ZNF529: variants seen among roughly 807,000 people sequenced by gnomAD.
The protein encoded by ZNF529 is zinc finger protein 529.
Under a neutral mutation model 10.1 loss-of-function variants are expected in ZNF529, and 11 were observed. That is an observed-to-expected ratio of 1.09 (90% CI 0.69 to 1.81). The LOEUF is 1.81. Among genes scored for constraint, ZNF529 ranks in the 40% most tolerant of loss-of-function variants. ZNF529 has a pLI of 0.00. For synonymous variants in ZNF529, 204 were observed against 215.7 expected (o/e 0.95, Z 0.47); for missense variants, 624 against 666.8 (o/e 0.94, Z 0.71).
chr19:36,592,994 G>C (rs746410070), intron 1 of ZNF529, among the ~76,000 whole-genome samples: 2 of 152,064 alleles, frequency 1.3e-5, no homozygotes, highest in African/African-American at 4.8e-5. Flanking sequence ...ATAATATAGT[G>C]ATGAAATATT....
In ZNF529 at chr19:36,559,081, T is replaced by C. The variant is rs2035584293; in HGVS notation, c.15-2884A>G. Among the ~76,000 whole-genome samples the C allele has an allele frequency of 3.3e-5, 5 of 151,902 alleles. 1 individual carries two copies. The South Asian group carries it at 1.0e-3, about 32-fold the overall frequency. ...AATGCAAATCAAAACCACAATGAAA[T>C]ATCACCTCACACCTGATAGGACTGC... On this transcript the variant is annotated intron_variant, in intron 2 of 4. Transcript: ENST00000591340.
In ZNF529 at chr19:36,548,005, CT is replaced by C. The variant is rs2145786213; in HGVS notation, c.552del (p.Glu185SerfsTer26). On this transcript the variant is annotated frameshift_variant, in exon 5 of 5. Transcript: ENST00000591340. LOFTEE classifies it low-confidence loss of function (END_TRUNC). Reference sequence around the variant, plus strand: ...TGTATTTTCTGATATTCATCAAACTCTAAGTCACAACTGAAGACCTTCTCAT... The same window carrying C: ...TGTATTTTCTGATATTCATCAAACTCAAGTCACAACTGAAGACCTTCTCAT... ...KEYEKVFSCD[L>X]EFDEYQKIHT... 1 of 1,613,698 alleles carries C rather than the reference CT, an allele frequency of 6.2e-7. No homozygotes were observed. Among genetic ancestry groups the C allele is most frequent in the Admixed American group, 1.7e-5 (1 of 59,984 alleles).
intron 2 of ZNF529, among the ~76,000 whole-genome samples, chr19:36,582,901 G>T (rs1269959380): frequency 6.6e-6 from 1 of 151,992 alleles, no homozygotes; most frequent in East Asian, 1.9e-4. Flanking sequence ...TGCCACTACG[G>T]ATCCTATAGA....
At chr19:36,548,414 T>C in intron 4 of ZNF529, 92 bp from the exon 5 acceptor site, 4 of 1,237,008 alleles carry the variant, frequency 3.2e-6, no homozygotes, top group East Asian at 2.6e-5. Context: ...ACCATATACA[T>C]GAATTGGTTA....
rs2036569269 is a variant in ZNF529, at chr19:36,585,882, CTA to C, written c.-41+3731_-41+3732del. Among the ~76,000 whole-genome samples the C allele has an allele frequency of 2.0e-5, 3 of 152,340 alleles. No individual in the cohort carries two copies. The South Asian group carries it at 6.2e-4, about 32-fold the overall frequency. On this transcript the variant is annotated intron_variant, in intron 2 of 4. Coordinates refer to the ZNF529 transcript ENST00000585960. The stretch of plus-strand genomic sequence containing the variant: ...GCTCATTCCCTAGCTGGCTCAGTAA[CTA>C]TGGATCTCTAAGCAATGTCTTAACA...
chr19:36,544,778 T>C lies in ZNF529; in HGVS notation c.*2088A>G, dbSNP rs2034950047. 6.6e-6 allele frequency: 1 copy of C among 152,212 alleles called. No homozygotes were observed. The highest frequency in any genetic ancestry group is 2.4e-5 in the African/African-American group (1 of 41,456). 9.4% of individuals were successfully genotyped at this position (152,212 alleles called of 1,614,324 possible). Reference sequence around the variant, plus strand: ...AATACTTACATAAAACATAGCTCAATATATCAGATGAGAAAATGGCTTAAT... The same window carrying C: ...AATACTTACATAAAACATAGCTCAACATATCAGATGAGAAAATGGCTTAAT... On this transcript the variant is annotated 3_prime_UTR_variant, in exon 5 of 5. Transcript: ENST00000591340.
chr19:36,573,829 T>G (rs969398232), upstream of ZNF529, among the ~76,000 whole-genome samples: 1 of 152,144 alleles, frequency 6.6e-6, no homozygotes, highest in African/African-American at 2.4e-5. Flanking sequence ...AGGGGAGAAC[T>G]CGGAGCCTGA....
chr19:36,574,640 C>T (rs797006927), upstream of ZNF529, among the ~76,000 whole-genome samples: 3 of 152,136 alleles, frequency 2.0e-5, no homozygotes, highest in African/African-American at 7.2e-5. Flanking sequence ...AGCCATAGTT[C>T]TGATTTGTGT....
chr19:36,552,633 T>C (rs1329854723), intron 4 of ZNF529, among the ~76,000 whole-genome samples: 3 of 152,192 alleles, frequency 2.0e-5, no homozygotes, highest in Non-Finnish European at 2.9e-5. Context: ...ATAAACTCTA[T>C]AGAGCAACTT....
intron 2 of ZNF529, among the ~76,000 whole-genome samples, chr19:36,587,206 A>C (rs1385269718): frequency 2.0e-5 from 3 of 151,690 alleles, no homozygotes; most frequent in Non-Finnish European, 4.4e-5. Flanking sequence ...CGGAGGTTGT[A>C]GTGAGCCAAG....
At chr19:36,562,756 GA>G (rs1380184671) in intron 2 of ZNF529, among the ~76,000 whole-genome samples, 1 of 151,444 alleles carries the variant, frequency 6.6e-6, no homozygotes. Context: ...AGAATGGCAG[GA>G]ACCTGGGAGG....
chr19:36,585,130 T>C (rs964896548), intron 2 of ZNF529, among the ~76,000 whole-genome samples: 9 of 152,166 alleles, frequency 5.9e-5, no homozygotes, highest in Admixed American at 6.5e-5. Flanking sequence ...AAGTGCATCG[T>C]CCTTGCCTCT....
upstream of ZNF529, chr19:36,577,435 G>T (rs2036352318): frequency 5.0e-6 from 1 of 198,782 alleles, no homozygotes; most frequent in Non-Finnish European, 1.1e-5. Flanking sequence ...CTCTATTCTA[G>T]TGGTCACCAG....
intron 2 of ZNF529, among the ~76,000 whole-genome samples, chr19:36,565,709 A>T (rs2035870819): frequency 6.6e-6 from 1 of 152,182 alleles, no homozygotes; most frequent in South Asian, 2.1e-4. Flanking sequence ...CAAAAAAAAG[A>T]AAGAAAAGAA....
chr19:36,553,229 G>A (rs1332816891), intron 4 of ZNF529, among the ~76,000 whole-genome samples: 5 of 152,066 alleles, frequency 3.3e-5, no homozygotes, highest in African/African-American at 7.2e-5. Flanking sequence ...GAGTTCAAGC[G>A]GGTTCCAGCA....
At chr19:36,584,961 G>T (rs894750323) in intron 2 of ZNF529, among the ~76,000 whole-genome samples, 1 of 152,084 alleles carries the variant, frequency 6.6e-6, no homozygotes, top group Non-Finnish European at 1.5e-5. Flanking sequence ...TGATCTCATA[G>T]AAGTCAATAA....
chr19:36,586,645 C>G (rs778607469), intron 2 of ZNF529, among the ~76,000 whole-genome samples: 2 of 151,968 alleles, frequency 1.3e-5, no homozygotes, highest in Non-Finnish European at 2.9e-5. Context: ...TTAAAAGAAC[C>G]TGATATGATA....
In ZNF529 at chr19:36,548,024, C is replaced by A; in HGVS notation, c.534G>T (p.Lys178Asn). The A allele has an allele frequency of 6.2e-7, 1 of 1,613,684 alleles. No individual in the cohort carries two copies. The highest frequency in any genetic ancestry group is 1.1e-5 in the South Asian group (1 of 91,062). The stretch of plus-strand genomic sequence containing the variant: ...CAAACTCTAAGTCACAACTGAAGAC[C>A]TTCTCATATTCCTTGTATTCATAGG... ...EKPYEYKEYE[K>N]VFSCDLEFDE... The change falls in exon 5 of 5, where the codon AAG becomes AAT. Residue 178 changes from lysine to asparagine, a missense_variant. Coordinates refer to ENST00000591340, the MANE Select transcript of ZNF529 (RefSeq NM_020951.5).
chr19:36,565,531 T>G (rs2035863912), intron 2 of ZNF529, among the ~76,000 whole-genome samples: 1 of 152,104 alleles, frequency 6.6e-6, no homozygotes, highest in African/African-American at 2.4e-5. Flanking sequence ...TGAAACCCCA[T>G]CTCTACTAAA....
Sources: allele counts gnomAD v4.1 joint callset (sites outside exome capture counted in the v4.1 genomes callset), GRCh38; gene constraint gnomAD v4.1.1; transcripts MANE v1.5; gene names NCBI Gene and HGNC (gene_info 2026-07-23, HGNC 2026-07-21).